The following MAN1A2 variants were observed in gnomAD, a reference collection of about 807,000 sequenced individuals.
The protein encoded by MAN1A2 is mannosyl-oligosaccharide 1,2-alpha-mannosidase IB.
MAN1A2 carries 26 observed loss-of-function variants against 75.7 expected under a neutral mutation model. The observed-to-expected ratio is 0.34, with a 90% CI of 0.25 to 0.48. MAN1A2 has a LOEUF of 0.48. MAN1A2 is among the 20% of genes least tolerant of loss of function. The pLI, the probability that MAN1A2 is intolerant of heterozygous loss-of-function variation, is 0.99. For missense variants in MAN1A2, 562 were observed against 775.5 expected (o/e 0.72, Z 3.27); for synonymous variants, 247 against 264.6 (o/e 0.93, Z 0.65).
chr1:117,371,497 A>G (rs1652964157), intron 1 of MAN1A2, among the ~76,000 whole-genome samples: 1 of 152,202 alleles, frequency 6.6e-6, no homozygotes, highest in Non-Finnish European at 1.5e-5. Flanking sequence ...GGAAGACTTC[A>G]TTGAGAAAGT....
At chr1:117,449,918 T>C (rs555746689) in intron 6 of MAN1A2, among the ~76,000 whole-genome samples, 106 of 152,150 alleles carry the variant, frequency 7.0e-4, no homozygotes, top group Non-Finnish European at 1.4e-3. Context: ...CTTGCAGAGG[T>C]TGGTTCACAA....
Position 117,368,140 on chromosome 1 carries a change from TA to T in MAN1A2, c.-42del, listed in dbSNP as rs1652830701. The stretch of plus-strand genomic sequence containing the variant: ...AGTTCAATGTATTCTACATTTGACA[TA>T]AGATGAGAACTTTCTAAAGTATTCT... On this transcript the variant is annotated 5_prime_UTR_variant, in exon 1 of 13. An upstream open reading frame in the 5' UTR loses its in-frame stop. Coordinates refer to ENST00000356554, the MANE Select transcript of MAN1A2 (RefSeq NM_006699.5). 1 of 1,527,620 alleles carries T rather than the reference TA, an allele frequency of 6.5e-7. No individual in the cohort carries two copies. Among genetic ancestry groups the T allele is most frequent in the Non-Finnish European group, 8.8e-7 (1 of 1,139,482 alleles). The allele number at this position is 1,527,620 out of a possible 1,614,324, so 94.6% of individuals were successfully genotyped here. A position where few individuals can be genotyped will look rare whatever the true frequency, so the allele number is the denominator to read the frequency against.
rs370190440 is a variant in MAN1A2, at chr1:117,523,591, T to A, written c.*634T>A. ...TCCCAGTCTATTTCATTGAAATTTC[T>A]TGGTTAAGTTTAATTTTCTCTGGGG... On this transcript the variant is annotated 3_prime_UTR_variant, in exon 13 of 13. Coordinates refer to ENST00000356554, the MANE Select transcript of MAN1A2 (RefSeq NM_006699.5). The A allele has an allele frequency of 5.8e-6, 1 of 171,800 alleles. No individual in the cohort carries two copies. Among genetic ancestry groups the A allele is most frequent in the Non-Finnish European group, 1.3e-5 (1 of 79,910 alleles). The allele number at this position is 171,800 out of a possible 1,614,324, so 10.6% of individuals were successfully genotyped here.
chr1:117,403,479 G>A (rs1197046306), intron 2 of MAN1A2, among the ~76,000 whole-genome samples: 2 of 152,068 alleles, frequency 1.3e-5, no homozygotes, highest in Non-Finnish European at 2.9e-5. Context: ...ACAATGTACT[G>A]AAATACTTTT....
intron 1 of MAN1A2, among the ~76,000 whole-genome samples, chr1:117,384,041 A>T (rs1653440935): frequency 6.6e-6 from 1 of 152,124 alleles, no homozygotes; most frequent in Non-Finnish European, 1.5e-5. Context: ...ATCTAACCAG[A>T]GGTTTGTCAA....
intron 5 of MAN1A2, among the ~76,000 whole-genome samples, chr1:117,440,277 A>C (rs1648986595): frequency 1.3e-5 from 2 of 152,234 alleles, no homozygotes; most frequent in Non-Finnish European, 2.9e-5. Context: ...TGACATGACC[A>C]GGAACCATGT....
intron 8 of MAN1A2, among the ~76,000 whole-genome samples, chr1:117,481,217 A>G (rs575723135): frequency 2.6e-5 from 4 of 151,692 alleles, no homozygotes; most frequent in South Asian, 2.1e-4. Context: ...TTCCTTTCTC[A>G]TAGCCAGTAG....
chr1:117,484,975 A>G (rs967431184), intron 8 of MAN1A2, among the ~76,000 whole-genome samples: 1 of 151,958 alleles, frequency 6.6e-6, no homozygotes, highest in South Asian at 2.1e-4. Flanking sequence ...TTATTTTTAA[A>G]AATTCACGTG....
Position 117,420,459 on chromosome 1 carries a change from GA to G in MAN1A2, c.775-105del, listed in dbSNP as rs1290338476. On this transcript the variant is annotated intron_variant, in intron 4 of 12. Coordinates refer to ENST00000356554, the MANE Select transcript of MAN1A2 (RefSeq NM_006699.5). ...ATGAGAAATGAAGATGCAGAAAGTA[GA>G]AAAATATTTTCCACAGGGTGTTTGT... 9.2e-6 allele frequency: 7 copies of G among 762,854 alleles called. No homozygotes were observed. The East Asian group carries it at 1.6e-4, about 18-fold the overall frequency. The allele number at this position is 762,854 out of a possible 1,614,324, so 47.3% of individuals were successfully genotyped here.
chr1:117,449,155 C>T lies in MAN1A2; in HGVS notation c.950+6830C>T, dbSNP rs147806884. On this transcript the variant is annotated intron_variant, in intron 6 of 12. Transcript: ENST00000356554. Reference sequence around the variant, plus strand: ...GCCATTCTCCCTTCTCTCTCCTTCTCCTTGGGCTTCCCTACTCCCTGAGAC... The same window carrying T: ...GCCATTCTCCCTTCTCTCTCCTTCTTCTTGGGCTTCCCTACTCCCTGAGAC... Among the ~76,000 whole-genome samples, 1,115 of 152,210 alleles carry T rather than the reference C, an allele frequency of 7.3e-3. 18 individuals carry two copies. Among genetic ancestry groups the T allele is most frequent in the African/African-American group, 0.026 (1,067 of 41,522 alleles).
chr1:117,401,690 C>A (rs999945179), intron 1 of MAN1A2, among the ~76,000 whole-genome samples: 1 of 152,100 alleles, frequency 6.6e-6, no homozygotes, highest in South Asian at 2.1e-4. Flanking sequence ...AGTAGTCATG[C>A]CCACATCTGT....
intron 8 of MAN1A2, among the ~76,000 whole-genome samples, chr1:117,483,821 A>G (rs1650578843): frequency 6.6e-6 from 1 of 152,050 alleles, no homozygotes; most frequent in Admixed American, 6.6e-5. Context: ...CCAGTTTTCA[A>G]AGGGAATGCT....
At chr1:117,437,688 C>T (rs1648889703) in intron 5 of MAN1A2, among the ~76,000 whole-genome samples, 1 of 152,104 alleles carries the variant, frequency 6.6e-6, no homozygotes, top group Non-Finnish European at 1.5e-5. Context: ...TTTTTCTACT[C>T]TGTAAAATGG....
chr1:117,523,419 A>G lies in MAN1A2; in HGVS notation c.*462A>G, dbSNP rs981047092. ...TGCTTATCACTTTTTCTCCATTTTA[A>G]TAATGGAATGAACTAAAATAAACAA... On this transcript the variant is annotated 3_prime_UTR_variant, in exon 13 of 13. Transcript: ENST00000356554. 6.7e-5 allele frequency: 23 copies of G among 342,900 alleles called. No individual in the cohort carries two copies. The highest frequency in any genetic ancestry group is 4.1e-4 in the African/African-American group (19 of 46,074). The allele number at this position is 342,900 out of a possible 1,614,324, so 21.2% of individuals were successfully genotyped here. A position where few individuals can be genotyped will look rare whatever the true frequency, so the allele number is the denominator to read the frequency against.
At chr1:117,464,995 C>G (rs1328594187) in intron 7 of MAN1A2, among the ~76,000 whole-genome samples, 1 of 152,004 alleles carries the variant, frequency 6.6e-6, no homozygotes, top group Non-Finnish European at 1.5e-5. Context: ...ATTGAAAATT[C>G]CAAGCAAATA....
intron 3 of MAN1A2, among the ~76,000 whole-genome samples, chr1:117,410,261 C>T (rs375285881): frequency 2.0e-5 from 3 of 151,746 alleles, no homozygotes; most frequent in East Asian, 3.9e-4. Context: ...CATAGAGATA[C>T]GTGGTAGGTT....
At chr1:117,415,304 G>A (rs747539230) in intron 4 of MAN1A2, among the ~76,000 whole-genome samples, 7 of 152,032 alleles carry the variant, frequency 4.6e-5, no homozygotes, top group Non-Finnish European at 1.0e-4. Flanking sequence ...GTAAATGGTA[G>A]CAATTATTTT....
intron 1 of MAN1A2, among the ~76,000 whole-genome samples, chr1:117,382,294 C>G (rs1557927167): frequency 6.6e-6 from 1 of 152,144 alleles, no homozygotes; most frequent in Non-Finnish European, 1.5e-5. Flanking sequence ...AGGTTTTCTT[C>G]TAGGGTTTTT....
intron 9 of MAN1A2, chr1:117,494,574 G>T (rs765394873): frequency 1.3e-5 from 2 of 151,974 alleles, no homozygotes; most frequent in Non-Finnish European, 2.9e-5. Context: ...ATGCACAGGA[G>T]TTGAACTTAA....
Sources: allele counts gnomAD v4.1 joint callset (sites outside exome capture counted in the v4.1 genomes callset), GRCh38; gene constraint gnomAD v4.1.1; transcripts MANE v1.5; gene names NCBI Gene and HGNC (gene_info 2026-07-23, HGNC 2026-07-21).